The following TRIM29 variants were observed in gnomAD, a reference collection of about 807,000 sequenced individuals.
The protein encoded by TRIM29 is tripartite motif containing 29, also known as tripartite motif-containing protein 29.
Under a neutral mutation model 57.3 loss-of-function variants are expected in TRIM29, and 52 were observed. The observed-to-expected ratio is 0.91, with a 90% CI of 0.73 to 1.14. The LOEUF is 1.14. TRIM29 is among the 50% of genes most tolerant of loss of function. The pLI, the probability that TRIM29 is intolerant of heterozygous loss-of-function variation, is 0.00. For synonymous variants in TRIM29, 319 were observed against 316.9 expected, an observed-to-expected ratio of 1.01 and a Z score of -0.07; for missense variants, 753 against 774.6, an observed-to-expected ratio of 0.97 and a Z score of 0.33.
chr11:120,122,665 G>T (rs1280079651), intron 5 of TRIM29, among the ~76,000 whole-genome samples: 1 of 152,244 alleles, frequency 6.6e-6, no homozygotes, highest in African/African-American at 2.4e-5. Flanking sequence ...GGCTGGAAGT[G>T]AGAAGGCAAG....
At chr11:120,123,168 G>A in intron 4 of TRIM29, 113 bp from the exon 5 acceptor site, 2 of 846,510 alleles carry the variant, frequency 2.4e-6, no homozygotes. Flanking sequence ...CTATCTCCCA[G>A]GCAGATCCAA....
At chr11:120,126,110 G>A (rs1245403914) in intron 3 of TRIM29, 8 of 559,630 alleles carry the variant, frequency 1.4e-5, no homozygotes, top group Non-Finnish European at 2.2e-5. Context: ...GTGACTCCAC[G>A]ACTCCCACCT....
chr11:120,124,517 C>A (rs1269947538), intron 4 of TRIM29: 1 of 152,266 alleles, frequency 6.6e-6, no homozygotes, highest in Non-Finnish European at 1.5e-5. Flanking sequence ...CCTCAGCCTT[C>A]TCGCCTGTAA....
intron 7 of TRIM29, chr11:120,117,265 G>C: frequency 4.7e-6 from 1 of 212,174 alleles, no homozygotes; most frequent in Admixed American, 5.5e-5. Context: ...AGCTCCCCAG[G>C]CCCGGATCAG....
intron 8 of TRIM29, chr11:120,113,494 A>G (rs506127): frequency 0.83 from 312,229 of 374,954 alleles, 130,448 homozygotes; most frequent in Middle Eastern, 0.86. Context: ...CATGCCCTGC[A>G]GATCCCAATA....
rs757459081 is a variant in TRIM29, at chr11:120,120,678, T to G, written c.1436-13A>C. Reference sequence around the variant, plus strand: ...GTCCGGACCCCACCTGTGAAGCAGATGAAGGGGGCTGTCATTGCAGAAAAT... The same window carrying G: ...GTCCGGACCCCACCTGTGAAGCAGAGGAAGGGGGCTGTCATTGCAGAAAAT... On this transcript the variant is annotated splice_polypyrimidine_tract_variant and intron_variant, in intron 5 of 8. Transcript: ENST00000341846. 2.1e-5 allele frequency: 34 copies of G among 1,612,800 alleles called. No individual in the cohort carries two copies. The highest frequency in any genetic ancestry group is 1.2e-4 in the Admixed American group (7 of 59,890).
chr11:120,129,123 G>A (rs1863666193), intron 1 of TRIM29, among the ~76,000 whole-genome samples: 2 of 152,236 alleles, frequency 1.3e-5, no homozygotes, highest in African/African-American at 4.8e-5. Context: ...GGAAGGCAGT[G>A]TAGAGTGGAA....
intron 7 of TRIM29, chr11:120,117,657 C>T (rs1863306114): frequency 6.3e-6 from 1 of 158,784 alleles, no homozygotes; most frequent in South Asian, 1.9e-4. Flanking sequence ...GCCCCCAACC[C>T]CAGGGGACAG....
At chr11:120,117,900 C>A (rs899163588) in intron 7 of TRIM29, 6 of 343,612 alleles carry the variant, frequency 1.7e-5, no homozygotes, top group Middle Eastern at 8.7e-4. Context: ...GTAGGAGAAG[C>A]AGCATCCTGA....
At chr11:120,112,579 G>T in intron 8 of TRIM29, 103 bp from the exon 9 acceptor site, 1 of 1,269,128 alleles carries the variant, frequency 7.9e-7, no homozygotes, top group Non-Finnish European at 1.1e-6. Flanking sequence ...AGTGATCCAA[G>T]ACCCGACAAT....
chr11:120,135,026 C>G (rs776739603), intron 1 of TRIM29, among the ~76,000 whole-genome samples: 3 of 152,156 alleles, frequency 2.0e-5, no homozygotes, highest in Non-Finnish European at 4.4e-5. Context: ...AGCCCTCCCT[C>G]AAGGAAGAAC....
At chr11:120,130,144 C>T (rs770569933) in intron 1 of TRIM29, among the ~76,000 whole-genome samples, 1 of 152,124 alleles carries the variant, frequency 6.6e-6, no homozygotes, top group Admixed American at 6.5e-5. Context: ...GCTGGCAGAT[C>T]CCACAGCCCC....
At chr11:120,112,696 C>A (rs1451556873) in intron 8 of TRIM29, among the ~76,000 whole-genome samples, 1 of 152,066 alleles carries the variant, frequency 6.6e-6, no homozygotes, top group Non-Finnish European at 1.5e-5. Flanking sequence ...GAGTCCATTC[C>A]CATAGTTAGT....
chr11:120,120,895 G>C, intron 5 of TRIM29: 1 of 634,894 alleles, frequency 1.6e-6, no homozygotes, highest in Non-Finnish European at 2.9e-6. Context: ...TAAACTTGGA[G>C]AGGCCATGGC....
chr11:120,123,067 A>C lies in TRIM29; in HGVS notation c.1334-12T>G. 5.6e-6 allele frequency: 9 copies of C among 1,613,774 alleles called. No homozygotes were observed. Among genetic ancestry groups the C allele is most frequent in the Non-Finnish European group, 7.6e-6 (9 of 1,179,732 alleles). On this transcript the variant is annotated splice_polypyrimidine_tract_variant and intron_variant, in intron 4 of 8. Transcript: ENST00000341846. ...GCGATGGTCACCACCTAGGAAGCAGAGGGTCGGGTCAGCAGAGGAGCCAGG... is the reference window on the plus strand; with the variant it reads ...GCGATGGTCACCACCTAGGAAGCAGCGGGTCGGGTCAGCAGAGGAGCCAGG...
chr11:120,111,341 C>T lies in TRIM29; in HGVS notation c.*1073G>A, dbSNP rs1863127135. 6.6e-6 allele frequency: 1 copy of T among 152,546 alleles called. No homozygotes were observed. Among genetic ancestry groups the T allele is most frequent in the Non-Finnish European group, 1.5e-5 (1 of 68,150 alleles). The allele number at this position is 152,546 out of a possible 1,614,324, so 9.4% of individuals were successfully genotyped here. On this transcript the variant is annotated 3_prime_UTR_variant, in exon 9 of 9. Coordinates refer to ENST00000341846, the MANE Select transcript of TRIM29 (RefSeq NM_012101.4). The stretch of plus-strand genomic sequence containing the variant: ...AAGCCCAAGCTGGATGTCTCCCTCC[C>T]CAACCCCTGCAAGCTGGCCCATCCT...
In TRIM29 at chr11:120,137,555, G is replaced by A. The variant is rs1191308111; in HGVS notation, c.477C>T (p.Gly159=). The A allele has an allele frequency of 1.2e-6, 2 of 1,610,472 alleles. No homozygotes were observed. Among genetic ancestry groups the A allele is most frequent in the South Asian group, 1.1e-5 (1 of 91,060 alleles). The part of the protein sequence containing the change: ...RRNSYPRADT[G]LFSRSKSGSE... ...AGCCGGACTTGGACCGTGAAAAAAG[G>A]CCCGTGTCGGCCCGGGGGTAGCTGT... The change falls in exon 1 of 9, where the codon GGC becomes GGT. Residue 159 remains glycine, a synonymous_variant. Coordinates refer to ENST00000341846, the MANE Select transcript of TRIM29 (RefSeq NM_012101.4). This position sits in a 1 kb window ranked among gnomAD's most constrained non-coding sequence, Gnocchi z 6.2.
At chr11:120,130,357 C>T (rs796732038) in intron 1 of TRIM29, among the ~76,000 whole-genome samples, 52 of 152,308 alleles carry the variant, frequency 3.4e-4, no homozygotes, top group African/African-American at 1.1e-3. Context: ...GGTTCCTCAC[C>T]CCACCTTACC....
Position 120,112,476 on chromosome 11 carries a change from A to G in TRIM29, c.1705T>C (p.Ser569Pro). 6.2e-7 allele frequency: 1 copy of G among 1,613,524 alleles called. No individual in the cohort carries two copies. The highest frequency in any genetic ancestry group is 8.5e-7 in the Non-Finnish European group (1 of 1,179,732). Residue 569 changes from serine to proline, a missense_variant and splice_region_variant, in exon 9 of 9, where the codon TCT becomes CCT. Ser to Pro is a moderately conservative substitution (Grantham distance 74). Coordinates refer to ENST00000341846, the MANE Select transcript of TRIM29 (RefSeq NM_012101.4). The stretch of plus-strand genomic sequence containing the variant: ...TTGACGTAGAATGGCCGGTAGTGAG[A>G]CTGTGGGGGAAACAAGAGTGGTCAG... Reference protein sequence around the residue: ...TWKSGKQTMLSHYRPFYVNKG... With the variant: ...TWKSGKQTMLPHYRPFYVNKG...
Sources: gnomAD v4.1 joint callset for allele counts (sites outside exome capture counted in the v4.1 genomes callset) on GRCh38, gnomAD v4.1.1 for gene constraint, Gnocchi (gnomAD v3.1) non-coding constraint, MANE v1.5 for transcripts, NCBI Gene and HGNC (gene_info 2026-07-23, HGNC 2026-07-21) for gene names.